Variants in KIFAP3 observed in about 807,000 individuals in gnomAD.
The protein encoded by KIFAP3 is kinesin associated protein 3, also known as kinesin-associated protein 3.
KIFAP3 carries 68 observed loss-of-function variants against 106.5 expected under a neutral mutation model. The ratio of observed to expected loss-of-function variants is 0.64; its 90% CI spans 0.53 to 0.78. The LOEUF (loss-of-function observed/expected upper bound fraction) is 0.78, where lower values mean the gene tolerates loss of function less well. Among genes scored for constraint, KIFAP3 ranks in the 30% least tolerant of loss-of-function variants. The pLI, the probability that KIFAP3 is intolerant of heterozygous loss-of-function variation, is 0.00. For synonymous variants in KIFAP3, 320 were observed against 311.5 expected (o/e 1.03, Z -0.29); for missense variants, 780 against 941.8 (o/e 0.83, Z 2.25).
intron 1 of KIFAP3, among the ~76,000 whole-genome samples, chr1:170,065,376 A>G (rs899920257): frequency 3.3e-5 from 5 of 151,904 alleles, no homozygotes; most frequent in African/African-American, 1.2e-4. Flanking sequence ...CATTTTGGGA[A>G]GCCGAGGTGG....
At chr1:169,958,800 G>T (rs1470747956) in intron 18 of KIFAP3, among the ~76,000 whole-genome samples, 1 of 152,006 alleles carries the variant, frequency 6.6e-6, no homozygotes, top group Non-Finnish European at 1.5e-5. Context: ...AAAGCAAACA[G>T]CTTCATTTTC....
chr1:170,022,062 G>A (rs1668868305), intron 9 of KIFAP3, among the ~76,000 whole-genome samples: 1 of 143,448 alleles, frequency 7.0e-6, no homozygotes, highest in African/African-American at 2.6e-5. Flanking sequence ...TGATTCTCCT[G>A]CCTCAGCCTC....
At chr1:169,975,241 T>A (rs181735721) in intron 16 of KIFAP3, among the ~76,000 whole-genome samples, 1 of 152,120 alleles carries the variant, frequency 6.6e-6, no homozygotes, top group South Asian at 2.1e-4. Context: ...TCAATTCTTA[T>A]GTGATTGAGT....
upstream of KIFAP3, among the ~76,000 whole-genome samples, chr1:170,076,212 A>T (rs775751728): frequency 1.3e-5 from 2 of 152,194 alleles, no homozygotes; most frequent in Non-Finnish European, 2.9e-5. Flanking sequence ...TTGAAAAAAC[A>T]ATAGCAACAA....
chr1:169,978,432 T>C (rs1316384062), intron 15 of KIFAP3, among the ~76,000 whole-genome samples: 1 of 152,042 alleles, frequency 6.6e-6, no homozygotes, highest in Non-Finnish European at 1.5e-5. Flanking sequence ...GTCTTTATAA[T>C]GTTGACTTCT....
chr1:170,006,706 A>G (rs1667984049), intron 10 of KIFAP3, among the ~76,000 whole-genome samples: 1 of 152,174 alleles, frequency 6.6e-6, no homozygotes, highest in South Asian at 2.1e-4. Context: ...GACAGTGAAA[A>G]TAGTAAATTG....
intron 10 of KIFAP3, among the ~76,000 whole-genome samples, chr1:170,011,872 CAT>C (rs1191057404): frequency 3.3e-5 from 5 of 152,028 alleles, no homozygotes; most frequent in African/African-American, 7.2e-5. Context: ...ACACATGTAA[CAT>C]ATATATTAAC....
chr1:169,988,532 CG>C (rs35555635), intron 11 of KIFAP3, among the ~76,000 whole-genome samples: 1 of 151,760 alleles, frequency 6.6e-6, no homozygotes, highest in African/African-American at 2.4e-5. Flanking sequence ...ATATTCCAAC[CG>C]GGGTTATGAC....
intron 1 of KIFAP3, among the ~76,000 whole-genome samples, chr1:170,062,066 G>C (rs1250469680): frequency 1.3e-5 from 2 of 152,008 alleles, no homozygotes; most frequent in South Asian, 2.1e-4. Context: ...TAATGTAAAT[G>C]ACGAGTTAAT....
At chr1:169,950,147 A>C (rs886089761) in intron 19 of KIFAP3, among the ~76,000 whole-genome samples, 1 of 152,138 alleles carries the variant, frequency 6.6e-6, no homozygotes, top group Admixed American at 6.6e-5. Context: ...TGAAGAAATA[A>C]ATAATTTTTC....
intron 1 of KIFAP3, among the ~76,000 whole-genome samples, chr1:170,073,930 A>G (rs1571777057): frequency 1.3e-5 from 2 of 152,230 alleles, no homozygotes; most frequent in East Asian, 3.8e-4. Flanking sequence ...TGCGGAAAGC[A>G]GAAAGAGACT....
At chr1:170,079,880 T>C (rs1428487930) in intron 1 of KIFAP3, among the ~76,000 whole-genome samples, 1 of 151,988 alleles carries the variant, frequency 6.6e-6, no homozygotes, top group Non-Finnish European at 1.5e-5. Context: ...TTTTTAACAA[T>C]ATGAAGTCTT....
chr1:170,021,037 A>G (rs530184121), intron 9 of KIFAP3, among the ~76,000 whole-genome samples: 1 of 152,312 alleles, frequency 6.6e-6, no homozygotes, highest in South Asian at 2.1e-4. Context: ...AGGAGAATGA[A>G]AAGAAGGCAC....
At chr1:170,023,621 T>C (rs1480793673) in intron 9 of KIFAP3, among the ~76,000 whole-genome samples, 1 of 152,102 alleles carries the variant, frequency 6.6e-6, no homozygotes, top group Non-Finnish European at 1.5e-5. Context: ...CTCAGTTATC[T>C]GAAAACAAGG....
At chr1:170,063,516 C>T (rs1391510358) in intron 1 of KIFAP3, among the ~76,000 whole-genome samples, 1 of 152,174 alleles carries the variant, frequency 6.6e-6, no homozygotes, top group East Asian at 1.9e-4. Context: ...TAACTTCCAA[C>T]TTTTGGGGGA....
intron 10 of KIFAP3, among the ~76,000 whole-genome samples, chr1:170,004,492 CTG>C (rs1461875146): frequency 6.6e-6 from 1 of 151,580 alleles, no homozygotes. Context: ...CAGCATGGTA[CTG>C]GTACCAAAAC....
intron 2 of KIFAP3, among the ~76,000 whole-genome samples, chr1:170,053,860 T>G (rs1670704646): frequency 6.6e-6 from 1 of 152,204 alleles, no homozygotes; most frequent in Non-Finnish European, 1.5e-5. Flanking sequence ...GATTAAAGAC[T>G]TAAATGTAAA....
chr1:170,045,495 T>A (rs1398855699), intron 3 of KIFAP3, among the ~76,000 whole-genome samples: 1 of 152,230 alleles, frequency 6.6e-6, no homozygotes, highest in East Asian at 1.9e-4. Flanking sequence ...CCATACTTTA[T>A]GCAAATAGTC....
chr1:169,928,247 G>A (rs1663254865), intron 19 of KIFAP3, among the ~76,000 whole-genome samples: 1 of 151,850 alleles, frequency 6.6e-6, no homozygotes, highest in Admixed American at 6.6e-5. Flanking sequence ...TTACAGGTGT[G>A]TGCCACCACA....
Sources: gnomAD v4.1 joint callset for allele counts (sites outside exome capture counted in the v4.1 genomes callset) on GRCh38, gnomAD v4.1.1 for gene constraint, MANE v1.5 for transcripts, NCBI Gene and HGNC (gene_info 2026-07-23, HGNC 2026-07-21) for gene names.